MAPK10: variants seen among roughly 807,000 people sequenced by gnomAD.
MAPK10 encodes mitogen-activated protein kinase 10, also known as JNK3 alpha protein kinase.
Under a neutral mutation model 59.3 loss-of-function variants are expected in MAPK10, and 25 were observed. The observed-to-expected ratio is 0.42, with a 90% CI of 0.31 to 0.59. MAPK10 has a LOEUF of 0.59. Among genes scored for constraint, MAPK10 ranks in the 20% least tolerant of loss-of-function variants. The pLI is 0.15. For missense variants in MAPK10, 351 were observed against 568.9 expected, an observed-to-expected ratio of 0.62 and a Z score of 3.90; for synonymous variants, 190 against 200.5, an observed-to-expected ratio of 0.95 and a Z score of 0.44.
intron 9 of MAPK10, among the ~76,000 whole-genome samples, chr4:86,078,518 AT>A (rs2049969463): frequency 1.3e-5 from 2 of 152,024 alleles, no homozygotes; most frequent in African/African-American, 4.8e-5. Flanking sequence ...GAAAGTACTA[AT>A]TATAGTTCTT....
intron 1 of MAPK10, among the ~76,000 whole-genome samples, chr4:86,380,400 T>G (rs1740515985): frequency 1.3e-5 from 2 of 152,156 alleles, no homozygotes; most frequent in Admixed American, 6.5e-5. Context: ...ATTTGTTGAC[T>G]TTGCTTGGAG....
intron 4 of MAPK10, among the ~76,000 whole-genome samples, chr4:86,122,446 CT>C (rs1195856516): frequency 6.6e-6 from 1 of 152,114 alleles, no homozygotes; most frequent in Non-Finnish European, 1.5e-5. Context: ...ATTGCTGTGA[CT>C]GTGCTTTGTC....
chr4:86,018,179 G>A (rs1421897400), intron 13 of MAPK10, among the ~76,000 whole-genome samples: 1 of 152,052 alleles, frequency 6.6e-6, no homozygotes, highest in African/African-American at 2.4e-5. Context: ...CATATGCAAG[G>A]GTCCTATCCC....
At chr4:86,182,301 T>C (rs1436816702) in intron 3 of MAPK10, among the ~76,000 whole-genome samples, 1 of 152,156 alleles carries the variant, frequency 6.6e-6, no homozygotes, top group East Asian at 1.9e-4. Context: ...TTAAAGATAA[T>C]GTACCTATTT....
intron 1 of MAPK10, among the ~76,000 whole-genome samples, chr4:86,571,294 C>T: frequency 1.4e-5 from 2 of 143,272 alleles, no homozygotes; most frequent in African/African-American, 5.2e-5. Context: ...TGGATAGATA[C>T]ATGTATATAT....
chr4:86,101,905 T>C lies in MAPK10; in HGVS notation c.553A>G (p.Ile185Val). The change falls in exon 7 of 14, where the codon ATT becomes GTT. Residue 185 changes from isoleucine (I) to valine (V), a missense_variant. Coordinates refer to ENST00000641462, the MANE Select transcript of MAPK10 (RefSeq NM_138982.4). ...GAAGGTGTTCTTACCCTGTGAATAA[T>C]TCCAGCAGAATGGAGGTGCTTAATG... ...CGIKHLHSAG[I>V]IHRDLKPSNI... 6.2e-7 allele frequency: 1 copy of C among 1,614,030 alleles called. No individual in the cohort carries two copies. The highest frequency in any genetic ancestry group is 8.5e-7 in the Non-Finnish European group (1 of 1,179,906).
At chr4:86,302,428 T>C (rs1317186993) in intron 2 of MAPK10, among the ~76,000 whole-genome samples, 1 of 152,174 alleles carries the variant, frequency 6.6e-6, no homozygotes, top group Non-Finnish European at 1.5e-5. Context: ...AAGCCAGACA[T>C]TTGGCAACAC....
Position 86,153,594 on chromosome 4 carries a change from ATATATG to A in MAPK10, c.236+5698_236+5703del, listed in dbSNP as rs1202645395. ...TGACACATAGAAATGTGGGTATTAC[ATATATG>A]TATAATTGTTTTTTCTGTAAATATA... On this transcript the variant is annotated intron_variant, in intron 4 of 13. Coordinates refer to ENST00000641462, the MANE Select transcript of MAPK10 (RefSeq NM_138982.4). Among the ~76,000 whole-genome samples the A allele has an allele frequency of 2.6e-4, 39 of 152,314 alleles. 1 individual carries two copies. The East Asian group carries it at 6.4e-3, about 25-fold the overall frequency.
chr4:86,463,887 AC>A (rs1470893953), intron 1 of MAPK10, among the ~76,000 whole-genome samples: 1 of 152,038 alleles, frequency 6.6e-6, no homozygotes, highest in African/African-American at 2.4e-5. Flanking sequence ...TCCAGAGAAG[AC>A]TCTAGATTTG....
chr4:86,553,595 G>A (rs1237385147), intron 1 of MAPK10, among the ~76,000 whole-genome samples: 2 of 152,098 alleles, frequency 1.3e-5, no homozygotes, highest in Non-Finnish European at 1.5e-5. Flanking sequence ...GTCCCCAAGG[G>A]GGAACAAAAG....
intron 13 of MAPK10, among the ~76,000 whole-genome samples, chr4:86,022,950 A>G (rs531599806): frequency 1.3e-5 from 2 of 152,322 alleles, no homozygotes; most frequent in East Asian, 3.9e-4. Flanking sequence ...TTTTTATGAA[A>G]TAGCATTTAT....
At chr4:86,083,185 C>T (rs991797060) in intron 9 of MAPK10, among the ~76,000 whole-genome samples, 3 of 152,066 alleles carry the variant, frequency 2.0e-5, no homozygotes, top group Non-Finnish European at 4.4e-5. Flanking sequence ...AATCATCCCC[C>T]CTGAAAGGAC....
chr4:86,587,236 C>T (rs1762712694), intron 1 of MAPK10, among the ~76,000 whole-genome samples: 1 of 152,154 alleles, frequency 6.6e-6, no homozygotes, highest in African/African-American at 2.4e-5. Context: ...TGAGTGCAAA[C>T]GCTGTGTTCT....
chr4:86,513,569 G>T (rs4552430), intron 1 of MAPK10, among the ~76,000 whole-genome samples: 47,860 of 151,924 alleles, frequency 0.32, 7,767 homozygotes, highest in Admixed American at 0.36. Context: ...AAACACAAAA[G>T]GAGAAAACAG....
At chr4:86,586,176 A>G (rs79813773) in intron 1 of MAPK10, among the ~76,000 whole-genome samples, 7,673 of 152,296 alleles carry the variant, frequency 0.05, 258 homozygotes, top group African/African-American at 0.074. Context: ...CTTATTTGCC[A>G]TATTCCCTTC....
chr4:86,588,513 A>G (rs1329254888), intron 1 of MAPK10, among the ~76,000 whole-genome samples: 1 of 152,194 alleles, frequency 6.6e-6, no homozygotes, highest in Non-Finnish European at 1.5e-5. Context: ...TTGCTAGATC[A>G]TATATATTGG....
chr4:86,202,290 G>C (rs1225924128), intron 2 of MAPK10, among the ~76,000 whole-genome samples: 1 of 151,746 alleles, frequency 6.6e-6, no homozygotes, highest in Non-Finnish European at 1.5e-5. Flanking sequence ...GTCACTCTTT[G>C]ATCTTTCCCT....
chr4:86,070,854 G>A (rs926192613), intron 9 of MAPK10, among the ~76,000 whole-genome samples: 11 of 152,042 alleles, frequency 7.2e-5, no homozygotes, highest in African/African-American at 2.2e-4. Flanking sequence ...ATAAAAATAC[G>A]TGTGCATGTG....
intron 9 of MAPK10, among the ~76,000 whole-genome samples, chr4:86,075,662 G>T (rs976074876): frequency 2.0e-5 from 3 of 151,840 alleles, no homozygotes; most frequent in African/African-American, 7.3e-5. Flanking sequence ...TGTGTGAGGT[G>T]GCAGTGTGCC....
Sources: gnomAD v4.1 joint callset for allele counts (sites outside exome capture counted in the v4.1 genomes callset) on GRCh38, gnomAD v4.1.1 for gene constraint, MANE v1.5 for transcripts, NCBI Gene and HGNC (gene_info 2026-07-23, HGNC 2026-07-21) for gene names.